Variants in PTAFR observed in about 807,000 individuals in gnomAD.
PTAFR encodes platelet activating factor receptor.
PTAFR carries 8 observed loss-of-function variants against 14.7 expected under a neutral mutation model. That is an observed-to-expected ratio of 0.54 (90% CI 0.32 to 0.98). The LOEUF (loss-of-function observed/expected upper bound fraction) is 0.98. Ranked by LOEUF, PTAFR falls within the 50% of genes least tolerant of loss-of-function variation. The pLI is 0.04. For missense variants in PTAFR, 337 were observed against 451.2 expected, an observed-to-expected ratio of 0.75 and a Z score of 2.29; for synonymous variants, 156 against 176.5, an observed-to-expected ratio of 0.88 and a Z score of 0.92.
chr1:28,187,606 G>C (rs114133239), intron 1 of PTAFR, among the ~76,000 whole-genome samples: 1 of 152,002 alleles, frequency 6.6e-6, no homozygotes, highest in Non-Finnish European at 1.5e-5. Flanking sequence ...CTGGGCTCAA[G>C]CCATCCTCCC....
chr1:28,168,938 G>C (rs1167164585), intron 1 of PTAFR, among the ~76,000 whole-genome samples: 2 of 152,020 alleles, frequency 1.3e-5, no homozygotes, highest in African/African-American at 4.8e-5. Flanking sequence ...AAAGTGCTGG[G>C]ATTACCAGCA....
rs1050530191 is a variant in PTAFR, at chr1:28,147,356, G to A, written c.*2637C>T. ...CCAATCAAATCAGCTTCAGCAAAATGAGAGAATGTATCCTGACAAGGGACG... is the reference window on the plus strand; with the variant it reads ...CCAATCAAATCAGCTTCAGCAAAATAAGAGAATGTATCCTGACAAGGGACG... On this transcript the variant is annotated 3_prime_UTR_variant, in exon 2 of 2. Coordinates refer to ENST00000373857, the MANE Select transcript of PTAFR (RefSeq NM_000952.5). 8 of 152,150 alleles carry A rather than the reference G, an allele frequency of 5.3e-5. No homozygotes were observed. The highest frequency in any genetic ancestry group is 1.9e-4 in the African/African-American group (8 of 41,514). 9.4% of individuals were successfully genotyped at this position (152,150 alleles called of 1,614,324 possible).
intron 1 of PTAFR, among the ~76,000 whole-genome samples, chr1:28,171,973 G>GGCA (rs1213423520): frequency 6.6e-6 from 1 of 152,018 alleles, no homozygotes; most frequent in Non-Finnish European, 1.5e-5. Context: ...CCCAGCACTG[G>GGCA]GCACATCATG....
At chr1:28,155,927 C>T (rs1042896417) in intron 1 of PTAFR, among the ~76,000 whole-genome samples, 2 of 151,878 alleles carry the variant, frequency 1.3e-5, no homozygotes, top group Admixed American at 6.6e-5. Flanking sequence ...CACAACGAAC[C>T]TTTAAGAAAC....
At chr1:28,171,227 G>A (rs992617507) in intron 1 of PTAFR, among the ~76,000 whole-genome samples, 7 of 151,184 alleles carry the variant, frequency 4.6e-5, no homozygotes, top group African/African-American at 1.7e-4. Context: ...GGAGGCTGAG[G>A]CAGAAGAACC....
intron 1 of PTAFR, among the ~76,000 whole-genome samples, chr1:28,156,817 C>A (rs1246015542): frequency 6.6e-6 from 1 of 152,184 alleles, no homozygotes; most frequent in Non-Finnish European, 1.5e-5. Flanking sequence ...ACTGGTTATA[C>A]CTTCTTGCCT....
intron 1 of PTAFR, among the ~76,000 whole-genome samples, chr1:28,162,981 G>A (rs1646342801): frequency 6.6e-6 from 1 of 152,056 alleles, no homozygotes; most frequent in African/African-American, 2.4e-5. Flanking sequence ...CCTGGCCCAG[G>A]ATCAAGTCTA....
chr1:28,179,058 C>T (rs1646542063), upstream of PTAFR, among the ~76,000 whole-genome samples: 1 of 152,164 alleles, frequency 6.6e-6, no homozygotes, highest in Non-Finnish European at 1.5e-5. Context: ...CCCTTACAGG[C>T]TTTTTGAGCC....
At chr1:28,179,102 A>G (rs1029953009), upstream of PTAFR, among the ~76,000 whole-genome samples, 1 of 152,138 alleles carries the variant, frequency 6.6e-6, no homozygotes, top group African/African-American at 2.4e-5. Context: ...CATGGTCTGT[A>G]CATGAACTTA....
chr1:28,169,771 G>A (rs1476024652), intron 1 of PTAFR, among the ~76,000 whole-genome samples: 4 of 152,092 alleles, frequency 2.6e-5, no homozygotes, highest in African/African-American at 9.7e-5. Flanking sequence ...AGGCCAAGGC[G>A]GGCAGATCAC....
intron 1 of PTAFR, among the ~76,000 whole-genome samples, chr1:28,164,532 T>A (rs546661532): frequency 5.1e-4 from 77 of 152,316 alleles, no homozygotes; most frequent in African/African-American, 1.8e-3. Context: ...TGGTATACAG[T>A]ACATCTTGCC....
intron 1 of PTAFR, among the ~76,000 whole-genome samples, chr1:28,169,005 AAAAAGAAAAG>A (rs986667006): frequency 3.9e-5 from 6 of 152,100 alleles, no homozygotes; most frequent in East Asian, 1.9e-4. Context: ...CAGGATTTAA[AAAAAGAAAAG>A]AAAAGAAAAG....
chr1:28,157,907 G>A (rs1230246252), intron 1 of PTAFR, among the ~76,000 whole-genome samples: 8 of 152,098 alleles, frequency 5.3e-5, no homozygotes, highest in African/African-American at 1.4e-4. Context: ...TGGGATTACA[G>A]GCATTAGCCA....
chr1:28,169,751 G>C (rs1045481900), intron 1 of PTAFR, among the ~76,000 whole-genome samples: 2 of 152,172 alleles, frequency 1.3e-5, no homozygotes, highest in Non-Finnish European at 2.9e-5. Context: ...TGTAATCCCA[G>C]CACTTTGGGA....
intron 1 of PTAFR, among the ~76,000 whole-genome samples, chr1:28,186,368 T>C (rs1003593717): frequency 1.3e-5 from 2 of 152,088 alleles, no homozygotes; most frequent in Non-Finnish European, 2.9e-5. Flanking sequence ...GTAGATGTAC[T>C]ATATTCATGC....
rs1229541671 is a variant in PTAFR at position 28,165,170 on chromosome 1, T to C, written c.-39+11422A>G. Among the ~76,000 whole-genome samples, 4 of 152,166 alleles carry C rather than the reference T, an allele frequency of 2.6e-5. No individual in the cohort carries two copies. The East Asian group carries it at 7.7e-4, about 29-fold the overall frequency. On this transcript the variant is annotated intron_variant, in intron 1 of 1. Coordinates refer to ENST00000373857, the MANE Select transcript of PTAFR (RefSeq NM_000952.5). ...TAATAATCCCAGCACTCCGGGAGGC[T>C]GAGGCAGGCAGATCACTTGAGTTCA...
chr1:28,168,125 A>ATTT (rs139930851), intron 1 of PTAFR, among the ~76,000 whole-genome samples: 8 of 126,528 alleles, frequency 6.3e-5, no homozygotes, highest in African/African-American at 1.9e-4. Flanking sequence ...CACCCGGCTA[A>ATTT]TTTTTTTTTT....
Position 28,151,026 on chromosome 1 carries a change from G to A in PTAFR, c.-5C>T. 3 of 1,576,592 alleles carry A rather than the reference G, an allele frequency of 1.9e-6. No homozygotes were observed. Among genetic ancestry groups the A allele is most frequent in the Non-Finnish European group, 2.6e-6 (3 of 1,159,822 alleles). On this transcript the variant is annotated 5_prime_UTR_variant, in exon 2 of 2. Coordinates refer to ENST00000373857, the MANE Select transcript of PTAFR (RefSeq NM_000952.5). ...GGAGGAGTCATGTGGCTCCATTGCT[G>A]TGGGCTGGAATGATCAGCTGGTCCT...
At chr1:28,166,194 T>G (rs1646383170) in intron 1 of PTAFR, among the ~76,000 whole-genome samples, 2 of 152,114 alleles carry the variant, frequency 1.3e-5, no homozygotes, top group Non-Finnish European at 2.9e-5. Flanking sequence ...AGGACCATGA[T>G]TACACAATGG....
Sources: allele counts gnomAD v4.1 joint callset (sites outside exome capture counted in the v4.1 genomes callset), GRCh38; gene constraint gnomAD v4.1.1; transcripts MANE v1.5; gene names NCBI Gene and HGNC (gene_info 2026-07-23, HGNC 2026-07-21).